The following NPAT variants were observed in gnomAD, a reference collection of about 807,000 sequenced individuals.
The protein encoded by NPAT is nuclear protein, coactivator of histone transcription.
In NPAT, 52 loss-of-function variants were observed where a neutral mutation model predicts 130.7. The ratio of observed to expected loss-of-function variants is 0.40; its 90% confidence interval spans 0.32 to 0.50. The LOEUF is 0.50. Ranked by LOEUF, NPAT falls within the 20% of genes least tolerant of loss-of-function variation. The pLI is 0.68. For missense variants in NPAT, 1,687 were observed against 1,662.6 expected, an observed-to-expected ratio of 1.01 and a Z score of -0.26; for synonymous variants, 580 against 584.8, an observed-to-expected ratio of 0.99 and a Z score of 0.12.
intron 13 of NPAT, chr11:108,171,864 T>G (rs942722048): frequency 1.3e-5 from 3 of 231,454 alleles, no homozygotes; most frequent in African/African-American, 6.8e-5. Context: ...ATAAGAGCTA[T>G]TTTTAAAAAC....
chr11:108,175,299 G>C (rs2077994805), intron 12 of NPAT, among the ~76,000 whole-genome samples: 1 of 152,126 alleles, frequency 6.6e-6, no homozygotes, highest in African/African-American at 2.4e-5. Flanking sequence ...TATAGGCTTT[G>C]GTACCACCCA....
chr11:108,221,385 G>A (rs1226090430), intron 1 of NPAT, among the ~76,000 whole-genome samples: 1 of 152,102 alleles, frequency 6.6e-6, no homozygotes, highest in African/African-American at 2.4e-5. Context: ...TTACCAAACT[G>A]CCAAAACTCA....
In NPAT at chr11:108,172,299, T is replaced by C. The variant is rs1179419042; in HGVS notation, c.2685A>G (p.Ala895=). The C allele has an allele frequency of 6.2e-7, 1 of 1,614,078 alleles. No individual in the cohort carries two copies. The highest frequency in any genetic ancestry group is 8.5e-7 in the Non-Finnish European group (1 of 1,180,020). ...SNVVVLPGNS[A]PMTAQPLPPQ... is the part of the protein sequence containing the mutation. ...GTGGTAGAGGTTGAGCAGTCATAGGTGCAGAATTTCCAGGCAACACCACTA... is the reference window on the plus strand; with the variant it reads ...GTGGTAGAGGTTGAGCAGTCATAGGCGCAGAATTTCCAGGCAACACCACTA... Residue 895 remains alanine (A), a synonymous_variant, in exon 13 of 18, where the codon GCA becomes GCG. Coordinates refer to ENST00000278612, the MANE Select transcript of NPAT (RefSeq NM_002519.3).
intron 17 of NPAT, among the ~76,000 whole-genome samples, chr11:108,159,281 A>G (rs1235442261): frequency 6.6e-6 from 1 of 152,224 alleles, no homozygotes; most frequent in African/African-American, 2.4e-5. Flanking sequence ...ATGTTGAATG[A>G]GACAAGATAG....
At position 108,177,037 on chromosome 11, in the gene NPAT, T is replaced by C. The variant is rs1421670872; in HGVS notation, c.960A>G (p.Glu320=). ...AGAGTGCCTGAAATGCTGGGTCTGATTCTGTCTGTTCCAATATGTCCTGTA... is the reference window on the plus strand; with the variant it reads ...AGAGTGCCTGAAATGCTGGGTCTGACTCTGTCTGTTCCAATATGTCCTGTA... ...EAIQDILEQT[E]SDPAFQALFD... is the part of the protein sequence containing the mutation. Residue 320 remains glutamate, a synonymous_variant, in exon 11 of 18, where the codon GAA becomes GAG. Coordinates refer to ENST00000278612, the MANE Select transcript of NPAT (RefSeq NM_002519.3). The C allele has an allele frequency of 6.2e-7, 1 of 1,613,532 alleles. No individual in the cohort carries two copies. The highest frequency in any genetic ancestry group is 1.7e-5 in the Admixed American group (1 of 60,022).
chr11:108,180,915 C>T (rs1276519643), intron 10 of NPAT, among the ~76,000 whole-genome samples: 8 of 152,212 alleles, frequency 5.3e-5, no homozygotes, highest in African/African-American at 1.7e-4. Context: ...GGATATTATA[C>T]CAAGTGAAAT....
intron 7 of NPAT, among the ~76,000 whole-genome samples, chr11:108,187,375 C>T (rs971630101): frequency 9.9e-5 from 15 of 152,130 alleles, no homozygotes; most frequent in Non-Finnish European, 1.8e-4. Context: ...TCTTCTGAGC[C>T]CACAAGTTCG....
chr11:108,202,018 GATA>G (rs1318376539), intron 1 of NPAT, among the ~76,000 whole-genome samples: 19 of 152,130 alleles, frequency 1.2e-4, no homozygotes, highest in African/African-American at 4.6e-4. Context: ...TGATATTATT[GATA>G]GCATGCCTCT....
At chr11:108,215,726 T>C (rs528500352) in intron 1 of NPAT, among the ~76,000 whole-genome samples, 2 of 152,294 alleles carry the variant, frequency 1.3e-5, no homozygotes, top group South Asian at 4.1e-4. Context: ...TAGCTGTGAT[T>C]TGGGAATCAA....
rs771336958 is a variant in NPAT at position 108,161,676 on chromosome 11, C to T, written c.3410G>A (p.Arg1137Gln). 1.2e-5 allele frequency: 19 copies of T among 1,613,752 alleles called. No individual in the cohort carries two copies. Among genetic ancestry groups the T allele is most frequent in the Middle Eastern group, 1.6e-4 (1 of 6,084 alleles). Reference sequence around the variant, plus strand: ...TTGAGTTTCTCTTATGGTGGTATGCCGGCTAATGGCACTTTCCGATTTAGA... The same window carrying T: ...TTGAGTTTCTCTTATGGTGGTATGCTGGCTAATGGCACTTTCCGATTTAGA... ...ILSKSESAIS[R>Q]HTTIRETQSE... Residue 1137 changes from arginine to glutamine, a missense_variant, in exon 17 of 18, where the codon CGG becomes CAG. Arg to Gln is a conservative substitution (Grantham distance 43). This residue lies in a region of NPAT where 1,379 missense variants were observed against 1,346.6 expected (regional missense o/e 1.02). Transcript: ENST00000278612.
chr11:108,180,067 C>T (rs1404112408), intron 10 of NPAT, among the ~76,000 whole-genome samples: 1 of 152,178 alleles, frequency 6.6e-6, no homozygotes, highest in Non-Finnish European at 1.5e-5. Flanking sequence ...AGGCTCACAC[C>T]TATAGTCCTA....
intron 1 of NPAT, among the ~76,000 whole-genome samples, chr11:108,204,839 T>C (rs750021036): frequency 1.3e-5 from 2 of 152,206 alleles, no homozygotes; most frequent in Non-Finnish European, 2.9e-5. Flanking sequence ...TCCAGAATGA[T>C]GAAAAGTGAA....
intron 10 of NPAT, among the ~76,000 whole-genome samples, chr11:108,179,480 C>T (rs1331746310): frequency 7.2e-5 from 11 of 152,126 alleles, no homozygotes; most frequent in African/African-American, 2.7e-4. Context: ...CCTCAAGTGA[C>T]CCTCCCGCTT....
rs1384151680 is a variant in NPAT at position 108,163,962 on chromosome 11, G to A, written c.3011-1782C>T. On this transcript the variant is annotated intron_variant, in intron 15 of 17. Transcript: ENST00000278612. ...TATAGCCAGGGAGAGAAGCCAAACA[G>A]GAAAAGTTGAAACATATATAGAAGA... 2.0e-5 allele frequency among the ~76,000 whole-genome samples: 3 copies of A among 152,204 alleles called. No individual in the cohort carries two copies. In the East Asian group the frequency reaches 5.8e-4, roughly 29 times the overall value.
chr11:108,197,458 T>G (rs961134592), intron 1 of NPAT, 38 bp from the exon 2 acceptor site: 1 of 1,312,232 alleles, frequency 7.6e-7, no homozygotes, highest in Non-Finnish European at 1.1e-6. Flanking sequence ...TTATACTAAA[T>G]TCTGTACTTT....
chr11:108,190,406 C>T (rs1440605291), intron 5 of NPAT, 54 bp downstream of exon 5: 1 of 1,320,750 alleles, frequency 7.6e-7, no homozygotes, highest in Non-Finnish European at 1.1e-6. Flanking sequence ...AAATGTTCAT[C>T]TGATAGTTTA....
chr11:108,176,674 T>C (rs1466191592), intron 11 of NPAT, among the ~76,000 whole-genome samples: 3 of 149,374 alleles, frequency 2.0e-5, no homozygotes, highest in African/African-American at 4.8e-5. Flanking sequence ...TTGAGGACAA[T>C]GGCCAATTTT....
intron 10 of NPAT, among the ~76,000 whole-genome samples, chr11:108,181,357 T>C (rs192364684): frequency 1.5e-3 from 223 of 152,196 alleles, no homozygotes; most frequent in Admixed American, 2.9e-3. Context: ...CCCAGCCACT[T>C]GGGAGGCTGA....
At chr11:108,192,834 G>A (rs1218809840) in intron 3 of NPAT, among the ~76,000 whole-genome samples, 1 of 152,082 alleles carries the variant, frequency 6.6e-6, no homozygotes, top group Non-Finnish European at 1.5e-5. Context: ...TGCGCCTATA[G>A]TCCCAGCTAC....
Sources: allele counts gnomAD v4.1 joint callset (sites outside exome capture counted in the v4.1 genomes callset), GRCh38; gene constraint gnomAD v4.1.1; regional missense constraint gnomAD v4.1.1; transcripts MANE v1.5; gene names NCBI Gene and HGNC (gene_info 2026-07-23, HGNC 2026-07-21).